The following MYO16 variants were observed in gnomAD, a reference collection of about 807,000 sequenced individuals.
The protein encoded by MYO16 is unconventional myosin-XVI.
In MYO16, 94 loss-of-function variants were observed where a neutral mutation model predicts 205.3. That is an observed-to-expected ratio of 0.46 (90% CI 0.39 to 0.54). The LOEUF (loss-of-function observed/expected upper bound fraction) is 0.54. MYO16 is among the 20% of genes least tolerant of loss of function. The probability of loss-of-function intolerance (pLI) is 0.00; values close to 1 mark genes in which losing one functional copy is unlikely to be tolerated. For synonymous variants in MYO16, 988 were observed against 954.0 expected (o/e 1.04, Z -0.66); for missense variants, 2,315 against 2,387.5 (o/e 0.97, Z 0.63).
intron 4 of MYO16, chr13:108,780,097 G>C (rs887506399): frequency 6.6e-5 from 10 of 152,206 alleles, no homozygotes; most frequent in Non-Finnish European, 5.9e-5. Flanking sequence ...AGTGTCATGT[G>C]TGGCAGCTCA....
Position 109,120,380 on chromosome 13 carries a change from G to A in MYO16, c.3449G>A (p.Arg1150Gln), listed in dbSNP as rs141602625. 2.0e-4 allele frequency: 317 copies of A among 1,603,316 alleles called. 1 individual carries two copies. The African/African-American group carries it at 2.8e-3, about 14-fold the overall frequency. The change falls in exon 29 of 35, where the codon CGA becomes CAA. Residue 1150 changes from arginine to glutamine, a missense_variant. Physicochemically the swap from Arg to Gln is conservative, Grantham distance 43. This residue lies in a region of MYO16 where 1,097 missense variants were observed against 1,092.0 expected (regional missense o/e 1.00). Coordinates refer to ENST00000457511, the MANE Select transcript of MYO16 (RefSeq NM_001198950.3). ...CKLQGWQMGV[R>Q]KVFLKYWHAD... ...CTGTTTGCATTTTAGATGGGAGTCC[G>A]AAAAGTGTTTCTAAAATACTGGCAT...
chr13:109,032,442 C>G (rs368449564), intron 23 of MYO16, among the ~76,000 whole-genome samples: 41 of 152,340 alleles, frequency 2.7e-4, no homozygotes, highest in Admixed American at 6.5e-5. Flanking sequence ...TGCACAGTAT[C>G]TTCCTAGCCA....
chr13:109,207,753 T>C lies in MYO16; in HGVS notation c.*917T>C, dbSNP rs1170422512. 2 of 152,268 alleles carry C rather than the reference T, an allele frequency of 1.3e-5. No homozygotes were observed. Among genetic ancestry groups the C allele is most frequent in the African/African-American group, 2.4e-5 (1 of 41,468 alleles). 9.4% of individuals were successfully genotyped at this position (152,268 alleles called of 1,614,324 possible). A position where few individuals can be genotyped will look rare whatever the true frequency, so the allele number is the denominator to read the frequency against. On this transcript the variant is annotated 3_prime_UTR_variant, in exon 35 of 35. Transcript: ENST00000457511. ...CACAGTACAAATGAGCACGCTGCCA[T>C]GTACTGGTTTGAGCAGTAGGGGCTG...
At chr13:108,851,673 CT>C (rs1396814302) in intron 10 of MYO16, among the ~76,000 whole-genome samples, 1 of 152,184 alleles carries the variant, frequency 6.6e-6, no homozygotes, top group Admixed American at 6.5e-5. Context: ...TCCTCTTTTT[CT>C]TAAATTAATC....
intron 27 of MYO16, among the ~76,000 whole-genome samples, chr13:109,076,676 A>C (rs1888117365): frequency 6.6e-6 from 1 of 152,276 alleles, no homozygotes; most frequent in South Asian, 2.1e-4. Context: ...CTCTTCCATC[A>C]GCAGGGAAAT....
chr13:109,094,592 G>C (rs1304675181), intron 27 of MYO16, among the ~76,000 whole-genome samples: 4 of 152,076 alleles, frequency 2.6e-5, no homozygotes, highest in African/African-American at 9.7e-5. Context: ...TTGTTACGTA[G>C]GTATACACAT....
At chr13:108,895,373 C>T (rs774947080) in intron 14 of MYO16, among the ~76,000 whole-genome samples, 60 of 152,192 alleles carry the variant, frequency 3.9e-4, no homozygotes, top group Non-Finnish European at 8.1e-4. Flanking sequence ...TTGTTTAGCT[C>T]AGTATTTCTC....
At chr13:109,028,641 A>C (rs1376359970) in intron 23 of MYO16, among the ~76,000 whole-genome samples, 2 of 150,530 alleles carry the variant, frequency 1.3e-5, no homozygotes, top group Non-Finnish European at 2.9e-5. Context: ...ATGGCATAAA[A>C]ACTTACAGCC....
At chr13:108,942,390 G>GT (rs1882766883) in intron 16 of MYO16, among the ~76,000 whole-genome samples, 2 of 152,306 alleles carry the variant, frequency 1.3e-5, no homozygotes, top group South Asian at 4.1e-4. Flanking sequence ...GCTGATGAGA[G>GT]TAAGTGCATT....
intron 15 of MYO16, among the ~76,000 whole-genome samples, chr13:108,898,827 CAG>C (rs1366230697): frequency 6.6e-6 from 1 of 152,018 alleles, no homozygotes; most frequent in Non-Finnish European, 1.5e-5. Flanking sequence ...CCAATTAAAA[CAG>C]ATTATTAATG....
chr13:109,064,437 T>C (rs1887681635), intron 27 of MYO16, among the ~76,000 whole-genome samples: 1 of 152,196 alleles, frequency 6.6e-6, no homozygotes, highest in South Asian at 2.1e-4. Context: ...GTTTATCAGA[T>C]CTTTTACTGA....
chr13:108,861,050 AT>A (rs201339478), intron 11 of MYO16, among the ~76,000 whole-genome samples: 1 of 152,178 alleles, frequency 6.6e-6, no homozygotes, highest in African/African-American at 2.4e-5. Flanking sequence ...CTGAGCAATC[AT>A]TTTTTCCCAT....
At chr13:109,043,342 A>T (rs1399514223) in intron 23 of MYO16, among the ~76,000 whole-genome samples, 2 of 152,172 alleles carry the variant, frequency 1.3e-5, no homozygotes, top group South Asian at 2.1e-4. Flanking sequence ...CCATAGCATG[A>T]ACAAAGATAG....
At position 109,120,336 on chromosome 13, in the gene MYO16, G is replaced by A. The variant is rs55839751; in HGVS notation, c.3439-34G>A. ...TCCATCATCATTTTGGTATCTTCAT[G>A]CTGTTAAATGTTTCCCTGCTGTTTG... On this transcript the variant is annotated intron_variant, in intron 28 of 34. Coordinates refer to ENST00000457511, the MANE Select transcript of MYO16 (RefSeq NM_001198950.3). The A allele has an allele frequency of 5.0e-3, 7,105 of 1,417,820 alleles. 37 individuals carry two copies. Among genetic ancestry groups the A allele is most frequent in the Non-Finnish European group, 5.7e-3 (5,823 of 1,019,912 alleles). 87.8% of individuals were successfully genotyped at this position (1,417,820 alleles called of 1,614,324 possible).
At chr13:108,750,995 C>T (rs1885219126) in intron 4 of MYO16, among the ~76,000 whole-genome samples, 1 of 151,814 alleles carries the variant, frequency 6.6e-6, no homozygotes, top group South Asian at 2.1e-4. Flanking sequence ...TCATGTTTAG[C>T]TTAATAGGGT....
At chr13:109,079,320 C>T (rs1439847845) in intron 27 of MYO16, among the ~76,000 whole-genome samples, 1 of 151,976 alleles carries the variant, frequency 6.6e-6, no homozygotes, top group Non-Finnish European at 1.5e-5. Context: ...GAGACTATTG[C>T]TCCATCATGG....
chr13:109,159,269 A>G (rs952797538), intron 32 of MYO16, among the ~76,000 whole-genome samples: 1 of 152,244 alleles, frequency 6.6e-6, no homozygotes, highest in South Asian at 2.1e-4. Context: ...AGTAAAGATC[A>G]GCACTCAAAG....
chr13:108,667,541 C>T (rs1236515296), intron 2 of MYO16, among the ~76,000 whole-genome samples: 1 of 152,090 alleles, frequency 6.6e-6, no homozygotes, highest in Non-Finnish European at 1.5e-5. Context: ...GCCATCTCCT[C>T]TGTGAGTCTG....
At chr13:108,950,259 G>A (rs1314451738) in intron 16 of MYO16, among the ~76,000 whole-genome samples, 1 of 152,092 alleles carries the variant, frequency 6.6e-6, no homozygotes, top group East Asian at 1.9e-4. Flanking sequence ...GGTTCAGGCT[G>A]GGAGAAAATA....
Sources: allele counts gnomAD v4.1 joint callset (sites outside exome capture counted in the v4.1 genomes callset), GRCh38; gene constraint gnomAD v4.1.1; regional missense constraint gnomAD v4.1.1; transcripts MANE v1.5; gene names NCBI Gene and HGNC (gene_info 2026-07-23, HGNC 2026-07-21).